The following VNN2 variants were observed in gnomAD, a reference collection of about 807,000 sequenced individuals.
VNN2 encodes the protein vanin 2.
Under a neutral mutation model 43.0 loss-of-function variants are expected in VNN2, and 43 were observed. That is an observed-to-expected ratio of 1.00 (90% CI 0.78 to 1.29). VNN2 has a LOEUF of 1.29. Ranked by LOEUF, VNN2 falls within the 50% of genes most tolerant of loss-of-function variation. The probability of loss-of-function intolerance (pLI) is 0.00; values close to 1 mark genes in which losing one functional copy is unlikely to be tolerated. For synonymous variants in VNN2, 230 were observed against 224.3 expected, an observed-to-expected ratio of 1.03 and a Z score of -0.23; for missense variants, 652 against 619.7, an observed-to-expected ratio of 1.05 and a Z score of -0.55.
Position 132,757,826 on chromosome 6 carries a change from CCTGCA to C in VNN2, c.53_57del (p.Leu18ArgfsTer13), listed in dbSNP as rs745848929. ...GCTATAAAACTGTCCTGAGTACCAACCTGCAGGGTTATTAGGGCAAAAACTGCCAC... is the reference window on the plus strand; with the variant it reads ...GCTATAAAACTGTCCTGAGTACCAACGGGTTATTAGGGCAAAAACTGCCAC... On this transcript the variant is annotated frameshift_variant, in exon 1 of 7. Coordinates refer to ENST00000326499, the MANE Select transcript of VNN2 (RefSeq NM_004665.6). LOFTEE classifies it high-confidence loss of function. 5.0e-6 allele frequency: 8 copies of C among 1,613,982 alleles called. No homozygotes were observed. The East Asian group carries it at 1.8e-4, about 36-fold the overall frequency.
intron 3 of VNN2, chr6:132,753,303 G>A (rs1009875642): frequency 6.9e-6 from 2 of 291,886 alleles, no homozygotes; most frequent in African/African-American, 4.4e-5. Flanking sequence ...GGGATTACAG[G>A]AATGAACCAC....
intron 2 of VNN2, 109 bp downstream of exon 2, chr6:132,757,307 C>G: frequency 2.3e-6 from 3 of 1,309,172 alleles, no homozygotes; most frequent in Non-Finnish European, 3.1e-6. Flanking sequence ...TAAATATAAC[C>G]ATAACATATA....
chr6:132,759,438 CAAAAAAAAAA>C (rs58195059), upstream of VNN2, among the ~76,000 whole-genome samples: 2 of 69,174 alleles, frequency 2.9e-5, no homozygotes, highest in Non-Finnish European at 5.8e-5. Context: ...AACTCCGTCT[CAAAAAAAAAA>C]AAAAAAAAAA....
intron 3 of VNN2, chr6:132,753,238 G>A (rs1383457802): frequency 4.4e-6 from 1 of 224,938 alleles, no homozygotes; most frequent in East Asian, 1.1e-4. Context: ...TGTCAGCCAG[G>A]ATGATCTCAA....
chr6:132,759,507 G>A (rs1780686857), upstream of VNN2, among the ~76,000 whole-genome samples: 1 of 150,284 alleles, frequency 6.7e-6, no homozygotes, highest in South Asian at 2.1e-4. Flanking sequence ...TGCCTTCTTA[G>A]GACATTCATA....
chr6:132,757,724 T>A lies in VNN2; in HGVS notation c.160A>T (p.Met54Leu). The A allele has an allele frequency of 6.2e-7, 1 of 1,614,192 alleles. No homozygotes were observed. Among genetic ancestry groups the A allele is most frequent in the Non-Finnish European group, 8.5e-7 (1 of 1,180,032 alleles). ...PVSQEDALNL[M>L]NENIDILETA... ...TCCAGAATGTCTATATTCTCGTTCA[T>A]GAGATTCAAGGCATCCTCCTGAGAA... The change falls in exon 1 of 7, where the codon ATG becomes TTG. Residue 54 changes from methionine (M) to leucine (L), a missense_variant. By Grantham distance (15) the Met-to-Leu change is conservative (BLOSUM62 2). Coordinates refer to ENST00000326499, the MANE Select transcript of VNN2 (RefSeq NM_004665.6).
At chr6:132,750,429 G>A (rs900667510) in intron 5 of VNN2, among the ~76,000 whole-genome samples, 19 of 149,114 alleles carry the variant, frequency 1.3e-4, no homozygotes, top group African/African-American at 4.7e-4. Context: ...CAGCAGAGGT[G>A]AGGAGTTGGA....
At chr6:132,749,568 G>A in intron 6 of VNN2, 127 bp downstream of exon 6, 1 of 987,408 alleles carries the variant, frequency 1.0e-6, no homozygotes, top group East Asian at 2.6e-5. Context: ...ACAGAACCAG[G>A]GCTAAAGAAA....
rs578038104 is a variant in VNN2, at chr6:132,755,003, G to A, written c.537+840C>T. ...AGCCTGGGCAATGTAGTGAGACTCT[G>A]TTTCCAAAAAAATATTTAAAAATTA... is the stretch of plus-strand genomic sequence containing the variant. On this transcript the variant is annotated intron_variant, in intron 3 of 6. Transcript: ENST00000326499. Among the ~76,000 whole-genome samples the A allele has an allele frequency of 6.6e-5, 10 of 152,122 alleles. No homozygotes were observed. The South Asian group carries it at 2.1e-3, about 32-fold the overall frequency.
In VNN2 at chr6:132,751,314, T is replaced by G; in HGVS notation, c.1031A>C (p.Asp344Ala). ...AAAAAGTTCTGTGAAGTTGAACCCATCCCTGGAAATAAATCCCCTGAAAGT... is the reference window on the plus strand; with the variant it reads ...AAAAAGTTCTGTGAAGTTGAACCCAGCCCTGGAAATAAATCCCCTGAAAGT... Reference protein sequence around the residue: ...KNTFRGFISRDGFNFTELFEN... With the variant: ...KNTFRGFISRAGFNFTELFEN... Residue 344 changes from aspartate to alanine, a missense_variant, in exon 5 of 7, where the codon GAT (aspartate) becomes GCT (alanine). Transcript: ENST00000326499. 1 of 1,614,110 alleles carries G rather than the reference T, an allele frequency of 6.2e-7. No homozygotes were observed. The highest frequency in any genetic ancestry group is 8.5e-7 in the Non-Finnish European group (1 of 1,180,016).
upstream of VNN2, among the ~76,000 whole-genome samples, chr6:132,762,791 T>G (rs1780768010): frequency 6.6e-6 from 1 of 152,218 alleles, no homozygotes; most frequent in Admixed American, 6.5e-5. Context: ...TTGTGCAACA[T>G]GAAATTGCCA....
chr6:132,757,385 T>C, intron 2 of VNN2, 31 bp downstream of exon 2: 1 of 1,567,676 alleles, frequency 6.4e-7, no homozygotes. Context: ...GAGAGTTACT[T>C]TTGCACAAAA....
At chr6:132,748,079 A>C (rs1176755313) in intron 6 of VNN2, among the ~76,000 whole-genome samples, 1 of 152,192 alleles carries the variant, frequency 6.6e-6, no homozygotes. Flanking sequence ...GCTCAGTTTA[A>C]ATCTTCAGGC....
intron 6 of VNN2, among the ~76,000 whole-genome samples, chr6:132,749,199 TC>T (rs1779901802): frequency 6.6e-6 from 1 of 151,818 alleles, no homozygotes; most frequent in Non-Finnish European, 1.5e-5. Flanking sequence ...AGGTCTGAGT[TC>T]TTCATTTCTC....
At position 132,757,684 on chromosome 6, in the gene VNN2, T is replaced by C; in HGVS notation, c.200A>G (p.Gln67Arg). The stretch of plus-strand genomic sequence containing the variant: ...ATAAGAGAATACCTGCTCAGCTGCC[T>C]GCTTGATCGCTGTCTCCAGAATGTC... The part of the protein sequence containing the change: ...NIDILETAIK[Q>R]AAEQGARIIV... The change falls in exon 1 of 7, where the codon CAG becomes CGG. Residue 67 changes from glutamine (Q) to arginine (R), a missense_variant. By Grantham distance (43) the Gln-to-Arg change is conservative. Coordinates refer to ENST00000326499, the MANE Select transcript of VNN2 (RefSeq NM_004665.6). 6.2e-7 allele frequency: 1 copy of C among 1,614,086 alleles called. No homozygotes were observed. The highest frequency in any genetic ancestry group is 1.1e-5 in the South Asian group (1 of 91,086).
At chr6:132,748,747 A>G (rs1262239570) in intron 6 of VNN2, among the ~76,000 whole-genome samples, 2 of 152,232 alleles carry the variant, frequency 1.3e-5, no homozygotes, top group East Asian at 3.8e-4. Context: ...TAATTTGTGA[A>G]TTAATTAGCT....
intron 6 of VNN2, among the ~76,000 whole-genome samples, chr6:132,746,632 C>G (rs897061403): frequency 2.6e-5 from 4 of 152,032 alleles, no homozygotes; most frequent in African/African-American, 9.7e-5. Flanking sequence ...AATCACATTG[C>G]CTCAGGCTTC....
upstream of VNN2, among the ~76,000 whole-genome samples, chr6:132,758,186 A>G (rs566414384): frequency 6.6e-6 from 1 of 151,490 alleles, no homozygotes; most frequent in Non-Finnish European, 1.5e-5. Context: ...CTAGGACTAC[A>G]GGTGCGCGCC....
In VNN2 at chr6:132,755,991, T is replaced by C. The variant is rs1780447508; in HGVS notation, c.389A>G (p.Lys130Arg). ...TGCCAAGACATAGATAGAGTTGTCC[T>C]TGGCCAGGCAGCTGAGTCTTGCTTG... is the stretch of plus-strand genomic sequence containing the variant. Reference protein sequence around the residue: ...PVQARLSCLAKDNSIYVLANL... With the variant: ...PVQARLSCLARDNSIYVLANL... The change falls in exon 3 of 7, where the codon AAG becomes AGG. Residue 130 changes from lysine (K) to arginine (R), a missense_variant. Physicochemically the swap from Lys to Arg is conservative, Grantham distance 26. Transcript: ENST00000326499. 6 of 1,614,114 alleles carry C rather than the reference T, an allele frequency of 3.7e-6. No individual in the cohort carries two copies. Among genetic ancestry groups the C allele is most frequent in the Non-Finnish European group, 5.1e-6 (6 of 1,179,980 alleles).
Sources: allele counts gnomAD v4.1 joint callset (sites outside exome capture counted in the v4.1 genomes callset), GRCh38; gene constraint gnomAD v4.1.1; transcripts MANE v1.5; gene names NCBI Gene and HGNC (gene_info 2026-07-23, HGNC 2026-07-21).